Variants in PUS10 observed in about 807,000 individuals in gnomAD.
PUS10 encodes pseudouridine synthase 10.
In PUS10, 59 loss-of-function variants were observed where a neutral mutation model predicts 75.0. That is an observed-to-expected ratio of 0.79 (90% CI 0.64 to 0.98). PUS10 has a LOEUF of 0.98. PUS10 is among the 50% of genes least tolerant of loss of function. The probability of loss-of-function intolerance (pLI) is 0.00; values close to 1 mark genes in which losing one functional copy is unlikely to be tolerated. For synonymous variants in PUS10, 219 were observed against 211.6 expected, an observed-to-expected ratio of 1.03 and a Z score of -0.30; for missense variants, 650 against 614.4, an observed-to-expected ratio of 1.06 and a Z score of -0.61.
At chr2:60,992,685 T>C (rs889616760) in intron 4 of PUS10, among the ~76,000 whole-genome samples, 4 of 152,180 alleles carry the variant, frequency 2.6e-5, no homozygotes, top group Admixed American at 2.6e-4. Flanking sequence ...TTGCATCTAT[T>C]TTATTATTTC....
rs1415991002 is a variant in PUS10, at chr2:61,003,406, G to A, written c.468+3151C>T. ...GAACTCAGGAGGCGGAGGCTGCAGTGAGCAGAGACTGCGCCACTGCACTCC... is the reference window on the plus strand; with the variant it reads ...GAACTCAGGAGGCGGAGGCTGCAGTAAGCAGAGACTGCGCCACTGCACTCC... On this transcript the variant is annotated intron_variant, in intron 4 of 17. Coordinates refer to ENST00000316752, the MANE Select transcript of PUS10 (RefSeq NM_144709.4). 6.0e-5 allele frequency among the ~76,000 whole-genome samples: 9 copies of A among 149,896 alleles called. No homozygotes were observed. The East Asian group carries it at 1.6e-3, about 26-fold the overall frequency.
In PUS10 at chr2:60,941,231, T is replaced by C. The variant is rs1407421761; in HGVS notation, c.*1164A>G. The C allele has an allele frequency of 6.6e-6, 1 of 152,296 alleles. No individual in the cohort carries two copies. The highest frequency in any genetic ancestry group is 1.5e-5 in the Non-Finnish European group (1 of 67,996). 9.4% of individuals were successfully genotyped at this position (152,296 alleles called of 1,614,324 possible). On this transcript the variant is annotated 3_prime_UTR_variant, in exon 18 of 18. Coordinates refer to ENST00000316752, the MANE Select transcript of PUS10 (RefSeq NM_144709.4). ...TCATAATACCAACTGAGGTTTAACTTAATAACAAATGGTAACTATATAAGA... is the reference window on the plus strand; with the variant it reads ...TCATAATACCAACTGAGGTTTAACTCAATAACAAATGGTAACTATATAAGA...
At chr2:61,005,888 T>A (rs1395340996) in intron 4 of PUS10, among the ~76,000 whole-genome samples, 1 of 152,350 alleles carries the variant, frequency 6.6e-6, no homozygotes, top group South Asian at 2.1e-4. Flanking sequence ...TACTGTAGGT[T>A]TCTTAGGGGA....
intron 4 of PUS10, among the ~76,000 whole-genome samples, chr2:60,988,033 G>A (rs1677831384): frequency 6.6e-6 from 1 of 152,030 alleles, no homozygotes; most frequent in Non-Finnish European, 1.5e-5. Context: ...AGGGTGCAGT[G>A]AGCTGAGATC....
In PUS10 at chr2:60,971,532, T is replaced by G. The variant is rs773869928; in HGVS notation, c.494A>C (p.Gln165Pro). The G allele has an allele frequency of 7.8e-5, 126 of 1,613,664 alleles. No homozygotes were observed. Among genetic ancestry groups the G allele is most frequent in the Non-Finnish European group, 1.0e-4 (123 of 1,179,744 alleles). The change falls in exon 5 of 18, where the codon CAG becomes CCG. Residue 165 changes from glutamine (Q) to proline (P), a missense_variant. Transcript: ENST00000316752. The part of the protein sequence containing the change: ...REHAAWLLVK[Q>P]EMGKQSLSLG... ...TACCTAAATTACTTACCCCATTTCC[T>G]GTTTTACCAGCAACCATGCAGCATG...
rs569437896 is a variant in PUS10 at position 60,940,971 on chromosome 2, C to T, written c.*1424G>A. The T allele has an allele frequency of 1.3e-5, 2 of 152,380 alleles. No individual in the cohort carries two copies. Among genetic ancestry groups the T allele is most frequent in the South Asian group, 4.1e-4 (2 of 4,820 alleles). 9.4% of individuals were successfully genotyped at this position (152,380 alleles called of 1,614,324 possible). ...GCTGACTCCTTTGTGTCCATTAAAA[C>T]CATTTTCCTCATATCTAAAGTGAAT... On this transcript the variant is annotated 3_prime_UTR_variant, in exon 18 of 18. Transcript: ENST00000316752.
chr2:60,966,152 C>A (rs1165233873), intron 6 of PUS10: 1 of 151,626 alleles, frequency 6.6e-6, no homozygotes, highest in Non-Finnish European at 1.5e-5. Flanking sequence ...AATATTATAT[C>A]ATGGAAATCT....
rs1674845764 is a variant in PUS10 at position 60,944,879 on chromosome 2, G to A, written c.1551+130C>T. ...AGACAGTCCCTCCCTTCAATACAAT[G>A]TTACTGTGAGATTTTCACCATTCTC... is the stretch of plus-strand genomic sequence containing the variant. On this transcript the variant is annotated intron_variant, in intron 17 of 17. Coordinates refer to ENST00000316752, the MANE Select transcript of PUS10 (RefSeq NM_144709.4). The A allele has an allele frequency of 4.5e-6, 3 of 660,688 alleles. No homozygotes were observed. In the South Asian group the frequency reaches 5.6e-5, roughly 12 times the overall value. The allele number at this position is 660,688 out of a possible 1,614,324, so 40.9% of individuals were successfully genotyped here.
Position 60,958,489 on chromosome 2 carries a change from G to T in PUS10, c.1000+1903C>A, listed in dbSNP as rs182403728. Among the ~76,000 whole-genome samples, 13 of 152,280 alleles carry T rather than the reference G, an allele frequency of 8.5e-5. No homozygotes were observed. In the East Asian group the frequency reaches 2.5e-3, roughly 29 times the overall value. On this transcript the variant is annotated intron_variant, in intron 11 of 17. Transcript: ENST00000316752. ...CCTTGCAAGTCAGGGAGCTGGAAGG[G>T]TCAGCCATGTCTCATCTAGACCATG...
intron 4 of PUS10, among the ~76,000 whole-genome samples, chr2:60,980,004 A>G (rs1318093480): frequency 6.6e-6 from 1 of 152,168 alleles, no homozygotes; most frequent in African/African-American, 2.4e-5. Flanking sequence ...TTTAGAAATG[A>G]AGGATTTGAT....
intron 15 of PUS10, among the ~76,000 whole-genome samples, chr2:60,952,309 G>A (rs1441277146): frequency 2.0e-5 from 3 of 148,470 alleles, no homozygotes; most frequent in African/African-American, 5.0e-5. Context: ...ACTCCAGCCT[G>A]GGCGACAAGA....
chr2:61,007,210 CT>C (rs1234880152), intron 3 of PUS10, among the ~76,000 whole-genome samples: 4 of 146,254 alleles, frequency 2.7e-5, no homozygotes, highest in African/African-American at 1.1e-4. Flanking sequence ...GAAGAGTAGG[CT>C]TTTGTTTTTT....
chr2:60,972,801 A>C (rs1053498638), intron 4 of PUS10, among the ~76,000 whole-genome samples: 2 of 152,246 alleles, frequency 1.3e-5, no homozygotes, highest in African/African-American at 4.8e-5. Context: ...TCGGATGACC[A>C]GTAGGGTACT....
chr2:60,945,590 G>A (rs1210337261), intron 16 of PUS10, among the ~76,000 whole-genome samples: 1 of 152,158 alleles, frequency 6.6e-6, no homozygotes, highest in Non-Finnish European at 1.5e-5. Flanking sequence ...AGGGTGGAAG[G>A]AATAATGAGA....
At chr2:60,970,849 A>T (rs1239352269) in intron 5 of PUS10, among the ~76,000 whole-genome samples, 1 of 152,166 alleles carries the variant, frequency 6.6e-6, no homozygotes, top group Non-Finnish European at 1.5e-5. Flanking sequence ...ATCTTTTATG[A>T]CATAGTTTTA....
chr2:60,993,001 C>T (rs1453445768), intron 4 of PUS10, among the ~76,000 whole-genome samples: 1 of 152,206 alleles, frequency 6.6e-6, no homozygotes, highest in Non-Finnish European at 1.5e-5. Flanking sequence ...CAAGTACGTG[C>T]TGAGCACTCT....
intron 4 of PUS10, among the ~76,000 whole-genome samples, chr2:61,001,159 T>C (rs17039790): frequency 0.034 from 5,186 of 152,338 alleles, 178 homozygotes; most frequent in Admixed American, 0.1. Flanking sequence ...TCCATGCTTT[T>C]CATCTATTTC....
chr2:60,976,296 C>T (rs561947802), intron 4 of PUS10, among the ~76,000 whole-genome samples: 10 of 152,330 alleles, frequency 6.6e-5, no homozygotes, highest in African/African-American at 2.4e-4. Context: ...GACTTGATCT[C>T]ATTCCGTCAT....
intron 4 of PUS10, among the ~76,000 whole-genome samples, chr2:60,987,444 G>GA (rs1038220677): frequency 6.7e-6 from 1 of 150,222 alleles, no homozygotes; most frequent in African/African-American, 2.4e-5. Context: ...GAGAGAGAGA[G>GA]AAAAAAAAGG....
Sources: gnomAD v4.1 joint callset for allele counts (sites outside exome capture counted in the v4.1 genomes callset) on GRCh38, gnomAD v4.1.1 for gene constraint, MANE v1.5 for transcripts, NCBI Gene and HGNC (gene_info 2026-07-23, HGNC 2026-07-21) for gene names.